The following RBFOX1 variants were observed in gnomAD, a reference collection of about 807,000 sequenced individuals.
RBFOX1 encodes the protein RNA binding fox-1 homolog 1.
A neutral mutation model predicts 57.7 loss-of-function variants in RBFOX1; 8 were observed. The observed-to-expected ratio is 0.14, with a 90% CI of 0.08 to 0.25. The LOEUF (loss-of-function observed/expected upper bound fraction) is 0.25, where lower values mean the gene tolerates loss of function less well. RBFOX1 is among the 10% of genes least tolerant of loss of function. The pLI is 1.00. For missense variants in RBFOX1, 611 were observed against 548.5 expected (o/e 1.11, Z -1.14); for synonymous variants, 326 against 222.4 (o/e 1.47, Z -4.15).
At chr16:7,287,819 A>G (rs911283282) in intron 4 of RBFOX1, among the ~76,000 whole-genome samples, 1 of 152,178 alleles carries the variant, frequency 6.6e-6, no homozygotes, top group African/African-American at 2.4e-5. Flanking sequence ...TATATGGGGT[A>G]TTACCCAATA....
chr16:6,862,023 C>T (rs151088731), intron 3 of RBFOX1, among the ~76,000 whole-genome samples: 70 of 151,818 alleles, frequency 4.6e-4, no homozygotes, highest in African/African-American at 1.6e-3. Flanking sequence ...AAGACAAACT[C>T]GATAAGCTCC....
chr16:7,599,529 G>A (rs2094895742), intron 9 of RBFOX1, among the ~76,000 whole-genome samples: 2 of 151,972 alleles, frequency 1.3e-5, no homozygotes, highest in African/African-American at 4.8e-5. Flanking sequence ...CATTATGTGA[G>A]GCATTTTAAG....
intron 3 of RBFOX1, among the ~76,000 whole-genome samples, chr16:5,673,086 G>A (rs1417824795): frequency 6.6e-6 from 1 of 152,088 alleles, no homozygotes; most frequent in African/African-American, 2.4e-5. Flanking sequence ...ATGTCTAGCG[G>A]CATCTCTGCA....
At chr16:5,837,914 G>A (rs1448044249) in intron 3 of RBFOX1, among the ~76,000 whole-genome samples, 3 of 152,106 alleles carry the variant, frequency 2.0e-5, no homozygotes, top group African/African-American at 7.2e-5. Context: ...GGTAGGTTGG[G>A]CGCTTGGAGA....
chr16:5,889,519 A>G (rs553276942), intron 4 of RBFOX1, among the ~76,000 whole-genome samples: 12 of 152,306 alleles, frequency 7.9e-5, no homozygotes, highest in East Asian at 7.7e-4. Context: ...TAGTGCTGCA[A>G]TGAACATACA....
intron 2 of RBFOX1, among the ~76,000 whole-genome samples, chr16:5,536,518 G>C (rs1405990706): frequency 6.6e-6 from 1 of 152,124 alleles, no homozygotes; most frequent in Non-Finnish European, 1.5e-5. Flanking sequence ...TTACAGGTGT[G>C]AGCCAGCGCT....
chr16:7,089,537 A>G (rs918946544), intron 4 of RBFOX1, among the ~76,000 whole-genome samples: 2 of 152,174 alleles, frequency 1.3e-5, no homozygotes, highest in South Asian at 2.1e-4. Flanking sequence ...ACAAATATCA[A>G]TAATTCCTTT....
chr16:6,010,019 T>G (rs1361145691), intron 4 of RBFOX1, among the ~76,000 whole-genome samples: 1 of 152,124 alleles, frequency 6.6e-6, no homozygotes, highest in Non-Finnish European at 1.5e-5. Flanking sequence ...TGAGGAGAGA[T>G]ACTGGGGTTT....
chr16:6,959,934 C>A lies in RBFOX1; in HGVS notation c.-15-92123C>A, dbSNP rs548126394. Among the ~76,000 whole-genome samples the A allele has an allele frequency of 5.9e-5, 9 of 152,220 alleles. No individual in the cohort carries two copies. The East Asian group carries it at 1.7e-3, about 29-fold the overall frequency. ...CTGGGCGACAAGAGCGAAACTCCAT[C>A]TCATAAATAAATAAATTAATAAATG... On this transcript the variant is annotated intron_variant, in intron 3 of 15. Coordinates refer to ENST00000550418, the MANE Select transcript of RBFOX1 (RefSeq NM_018723.4).
intron 4 of RBFOX1, among the ~76,000 whole-genome samples, chr16:5,885,270 C>T (rs2057870425): frequency 6.8e-6 from 1 of 146,768 alleles, no homozygotes; most frequent in Non-Finnish European, 1.5e-5. Flanking sequence ...TATGAATCAA[C>T]ATAATACTGT....
At chr16:6,450,805 A>ATATATATG (rs2094587279) in intron 2 of RBFOX1, among the ~76,000 whole-genome samples, 11 of 13,268 alleles carry the variant, frequency 8.3e-4, no homozygotes, top group African/African-American at 3.7e-3. Context: ...ATATATGTAT[A>ATATATATG]TATATATATA....
intron 5 of RBFOX1, among the ~76,000 whole-genome samples, chr16:7,578,478 T>C (rs1213399901): frequency 6.6e-6 from 1 of 152,194 alleles, no homozygotes; most frequent in Non-Finnish European, 1.5e-5. Context: ...AAATGAAACC[T>C]TCCAGTACAT....
Position 7,265,969 on chromosome 16 carries a change from T to TC in RBFOX1, c.27+213871_27+213872insC, listed in dbSNP as rs980396078. Among the ~76,000 whole-genome samples the TC allele has an allele frequency of 2.0e-4, 27 of 133,670 alleles. No individual in the cohort carries two copies. The East Asian group carries it at 4.6e-3, about 23-fold the overall frequency. The allele number at this position is 133,670 out of a possible 152,430, so 87.7% of individuals were successfully genotyped here. ...ATGAGATCTGGTGGGTTTTTGTTTT[T>TC]TTTTTTTTTTTTTTTTTTTTTCTGA... is the stretch of plus-strand genomic sequence containing the variant. On this transcript the variant is annotated intron_variant, in intron 4 of 15. Transcript: ENST00000550418.
intron 4 of RBFOX1, among the ~76,000 whole-genome samples, chr16:7,095,393 C>T (rs1458425389): frequency 6.6e-6 from 1 of 152,208 alleles, no homozygotes; most frequent in African/African-American, 2.4e-5. Context: ...CTGCCTCAGC[C>T]TCCCACAGTG....
In RBFOX1 at chr16:6,330,059, C is replaced by G. The variant is rs187146572; in HGVS notation, c.-64+13002C>G. Among the ~76,000 whole-genome samples, 13 of 152,130 alleles carry G rather than the reference C, an allele frequency of 8.5e-5. No individual in the cohort carries two copies. In the East Asian group the frequency reaches 2.3e-3, roughly 27 times the overall value. On this transcript the variant is annotated intron_variant, in intron 2 of 15. Coordinates refer to ENST00000550418, the MANE Select transcript of RBFOX1 (RefSeq NM_018723.4). ...GCTTTCCTTCATCTTTCCCTTCTTC[C>G]CCATGCAAAGAAAGATGAAGAACAT...
At chr16:7,280,017 C>A (rs2095510411) in intron 4 of RBFOX1, among the ~76,000 whole-genome samples, 1 of 152,220 alleles carries the variant, frequency 6.6e-6, no homozygotes. Flanking sequence ...AGCGCCACAT[C>A]ACCTGCTCTG....
chr16:6,939,002 G>T (rs948428948), intron 3 of RBFOX1, among the ~76,000 whole-genome samples: 1 of 152,108 alleles, frequency 6.6e-6, no homozygotes, highest in African/African-American at 2.4e-5. Flanking sequence ...TGTTCTTGTA[G>T]TCACTTTCCT....
intron 4 of RBFOX1, among the ~76,000 whole-genome samples, chr16:7,328,452 C>G (rs1007353291): frequency 2.2e-5 from 3 of 133,902 alleles, no homozygotes; most frequent in Admixed American, 8.1e-5. Flanking sequence ...TGCACTCTAG[C>G]CTGGGACAGA....
chr16:5,728,003 A>G (rs754536153), intron 3 of RBFOX1, among the ~76,000 whole-genome samples: 1 of 152,180 alleles, frequency 6.6e-6, no homozygotes, highest in African/African-American at 2.4e-5. Flanking sequence ...CTCTGTTTCT[A>G]TCAGTTCACT....
Sources: allele counts gnomAD v4.1 joint callset (sites outside exome capture counted in the v4.1 genomes callset), GRCh38; gene constraint gnomAD v4.1.1; transcripts MANE v1.5; gene names NCBI Gene and HGNC (gene_info 2026-07-23, HGNC 2026-07-21).